Variants in YTHDF1 observed in about 807,000 individuals in gnomAD.
The protein encoded by YTHDF1 is YTH domain-containing family protein 1.
In YTHDF1, 16 loss-of-function variants were observed where a neutral mutation model predicts 49.1. That is an observed-to-expected ratio of 0.33 (90% CI 0.22 to 0.49). The LOEUF (loss-of-function observed/expected upper bound fraction) is 0.49. Ranked by LOEUF, YTHDF1 falls within the 20% of genes least tolerant of loss-of-function variation. YTHDF1 has a pLI of 0.99. For missense variants in YTHDF1, 621 were observed against 744.3 expected (o/e 0.83, Z 1.93); for synonymous variants, 313 against 290.1 (o/e 1.08, Z -0.80).
chr20:63,203,651 G>A lies in YTHDF1; in HGVS notation c.289C>T (p.His97Tyr). 6.2e-7 allele frequency: 1 copy of A among 1,614,160 alleles called. No individual in the cohort carries two copies. The highest frequency in any genetic ancestry group is 8.5e-7 in the Non-Finnish European group (1 of 1,180,042). Residue 97 changes from histidine to tyrosine, a missense_variant, in exon 4 of 5, where the codon CAT becomes TAT. Physicochemically the swap from His to Tyr is moderately conservative, Grantham distance 83. This residue lies in a region of YTHDF1 where 470 missense variants were observed against 495.8 expected (regional missense o/e 0.95). Coordinates refer to ENST00000370339, the MANE Select transcript of YTHDF1 (RefSeq NM_017798.4). This position sits in a 1 kb window ranked among gnomAD's most constrained non-coding sequence, Gnocchi z 4.4. The stretch of plus-strand genomic sequence containing the variant: ...AAAACAGCATCGTGCATAAAATGAT[G>A]GTCTCCGTTACTGAGCTGTCCGTAG... ...TTYGQLSNGD[H>Y]HFMHDAVFGQ... is the part of the protein sequence containing the mutation.
rs1353908449 is a variant in YTHDF1, at chr20:63,195,668, G to A, written c.*1040C>T. The A allele has an allele frequency of 2.0e-5, 3 of 152,566 alleles. No individual in the cohort carries two copies. The highest frequency in any genetic ancestry group is 4.4e-5 in the Non-Finnish European group (3 of 68,042). 9.5% of individuals were successfully genotyped at this position (152,566 alleles called of 1,614,324 possible). On this transcript the variant is annotated 3_prime_UTR_variant, in exon 5 of 5. Transcript: ENST00000370339. ...AGGGCACGTGCAGATCCAGGCGCTG[G>A]AGCGTCAGGCATGGGCACCATTTTC...
chr20:63,202,333 A>G lies in YTHDF1; in HGVS notation c.1607T>C (p.Phe536Ser). The G allele has an allele frequency of 6.2e-7, 1 of 1,614,218 alleles. No individual in the cohort carries two copies. The highest frequency in any genetic ancestry group is 1.3e-5 in the African/African-American group (1 of 75,068). ...YKHTTSIFDD[F>S]AHYEKRQEEE... is the part of the protein sequence containing the mutation. ...CTCCTGGCGCTTCTCGTAGTGAGCA[A>G]AGTCGTCGAAGATGGAGGTTGTGTG... The change falls in exon 4 of 5, where the codon TTT (phenylalanine) becomes TCT (serine). Residue 536 changes from phenylalanine to serine, a missense_variant. Physicochemically the swap from Phe to Ser is radical, Grantham distance 155 (BLOSUM62 -2). Coordinates refer to ENST00000370339, the MANE Select transcript of YTHDF1 (RefSeq NM_017798.4).
chr20:63,215,678 A>G, intron 1 of YTHDF1, 77 bp from the exon 2 acceptor site: 1 of 1,510,102 alleles, frequency 6.6e-7, no homozygotes, highest in Non-Finnish European at 8.8e-7. Context: ...TCACCAGAGA[A>G]CTGGTCTCCA....
Position 63,202,316 on chromosome 20 carries a change from G to A in YTHDF1, c.1624C>T (p.Arg542Cys), listed in dbSNP as rs767085036. The A allele has an allele frequency of 7.4e-6, 12 of 1,613,680 alleles. No individual in the cohort carries two copies. The highest frequency in any genetic ancestry group is 2.7e-5 in the African/African-American group (2 of 74,946). ...CGCACCACCTCCTCCTCCTCCTGGC[G>A]CTTCTCGTAGTGAGCAAAGTCGTCG... ...IFDDFAHYEK[R>C]QEEEEVVRKE... The change falls in exon 4 of 5, where the codon CGC becomes TGC. Residue 542 changes from arginine (R) to cysteine (C), a missense_variant. By Grantham distance (180) the Arg-to-Cys change is radical. Transcript: ENST00000370339.
At chr20:63,208,729 C>T (rs986240722) in intron 3 of YTHDF1, among the ~76,000 whole-genome samples, 24 of 152,242 alleles carry the variant, frequency 1.6e-4, no homozygotes, top group African/African-American at 5.5e-4. Flanking sequence ...TTAGATGCAG[C>T]CACAAGAAAC....
rs1013433748 is a variant in YTHDF1, at chr20:63,202,608, C to G, written c.1332G>C (p.Gly444=). The G allele has an allele frequency of 2.5e-6, 4 of 1,613,924 alleles. No homozygotes were observed. Among genetic ancestry groups the G allele is most frequent in the Non-Finnish European group, 3.4e-6 (4 of 1,180,056 alleles). ...TCATCTCGGCCACCCCACAAAAATG[C>G]CCACTCCCATTGACGCTGAAGAGCA... ...VYLLFSVNGS[G]HFCGVAEMKS... The change falls in exon 4 of 5, where the codon GGG becomes GGC. Residue 444 remains glycine (G), a synonymous_variant. Coordinates refer to ENST00000370339, the MANE Select transcript of YTHDF1 (RefSeq NM_017798.4).
chr20:63,209,119 C>T (rs1403717472), intron 3 of YTHDF1, among the ~76,000 whole-genome samples: 3 of 152,180 alleles, frequency 2.0e-5, no homozygotes, highest in African/African-American at 7.2e-5. Context: ...AAATCAAGAA[C>T]GGGACACCTG....
intron 3 of YTHDF1, among the ~76,000 whole-genome samples, chr20:63,211,074 G>A (rs1231055191): frequency 6.6e-6 from 1 of 150,726 alleles, no homozygotes. Flanking sequence ...ATTCTCCTAA[G>A]ACTTTCTAAA....
chr20:63,206,629 T>C (rs1410254231), intron 3 of YTHDF1, among the ~76,000 whole-genome samples: 2 of 152,210 alleles, frequency 1.3e-5, no homozygotes, highest in Non-Finnish European at 2.9e-5. Context: ...TAAACCCTCC[T>C]GATACTTTCT....
Position 63,196,744 on chromosome 20 carries a change from G to A in YTHDF1, c.1654-10C>T, listed in dbSNP as rs747211384. ...TTCGACTCTGCCGTTCCTGTAAAAAGAAAAAACAAAAGTTGAACGCAGAGT... is the reference window on the plus strand; with the variant it reads ...TTCGACTCTGCCGTTCCTGTAAAAAAAAAAAACAAAAGTTGAACGCAGAGT... On this transcript the variant is annotated splice_polypyrimidine_tract_variant and intron_variant, in intron 4 of 4. Coordinates refer to ENST00000370339, the MANE Select transcript of YTHDF1 (RefSeq NM_017798.4). 1 of 1,613,492 alleles carries A rather than the reference G, an allele frequency of 6.2e-7. No individual in the cohort carries two copies. The highest frequency in any genetic ancestry group is 2.2e-5 in the East Asian group (1 of 44,612).
At chr20:63,207,948 G>A (rs987685544) in intron 3 of YTHDF1, among the ~76,000 whole-genome samples, 2 of 150,478 alleles carry the variant, frequency 1.3e-5, no homozygotes, top group South Asian at 2.1e-4. Flanking sequence ...CCAAGATCAC[G>A]CCACTGCACT....
intron 4 of YTHDF1, among the ~76,000 whole-genome samples, chr20:63,198,810 G>A (rs150678799): frequency 7.2e-5 from 11 of 152,288 alleles, no homozygotes; most frequent in African/African-American, 2.4e-4. Flanking sequence ...GGCACCTGCC[G>A]CCAGGGCAAG....
chr20:63,215,214 T>G (rs2066595551), intron 2 of YTHDF1, among the ~76,000 whole-genome samples: 1 of 152,212 alleles, frequency 6.6e-6, no homozygotes, highest in South Asian at 2.1e-4. Context: ...GAGCTTAGCC[T>G]GCAGAACCTT....
At chr20:63,202,159 C>G (rs1268320121) in intron 4 of YTHDF1, 128 bp downstream of exon 4, 15 of 1,314,456 alleles carry the variant, frequency 1.1e-5, no homozygotes, top group Admixed American at 2.3e-5. Flanking sequence ...CTGCGGCCAA[C>G]TGGGAGCTGC....
intron 4 of YTHDF1, among the ~76,000 whole-genome samples, chr20:63,197,408 G>A (rs1601228918): frequency 6.6e-6 from 1 of 152,204 alleles, no homozygotes; most frequent in Admixed American, 6.5e-5. Flanking sequence ...ACTCCCGTAA[G>A]AGAATCATCT....
chr20:63,215,886 CCGA>C lies in YTHDF1; in HGVS notation c.4_6del (p.Ser2del). The C allele has an allele frequency of 1.4e-6, 2 of 1,447,446 alleles. No homozygotes were observed. The highest frequency in any genetic ancestry group is 9.1e-7 in the Non-Finnish European group (1 of 1,099,578). 89.7% of individuals were successfully genotyped at this position (1,447,446 alleles called of 1,614,324 possible). ...GCTACCTGGGTGTCCACGCTGGTGG[CCGA>C]CATGCTTCATGAACAACTAGACGCG... On this transcript the variant is annotated inframe_deletion, in exon 1 of 5. Transcript: ENST00000370339.
intron 2 of YTHDF1, 48 bp downstream of exon 2, chr20:63,215,529 G>A (rs373590242): frequency 8.7e-6 from 14 of 1,612,482 alleles, no homozygotes; most frequent in African/African-American, 2.7e-5. Context: ...TTCCTTCCCC[G>A]TCCTCCTCCA....
Position 63,196,629 on chromosome 20 carries a change from CACTGGAGCTG to C in YTHDF1, c.*69_*78del. On this transcript the variant is annotated 3_prime_UTR_variant, in exon 5 of 5. Transcript: ENST00000370339. ...CACTCAACCCCCGCACGGGACGACA[CACTGGAGCTG>C]ACCAAGCACACGTGTTTTAAACTGT... 1 of 1,577,924 alleles carries C rather than the reference CACTGGAGCTG, an allele frequency of 6.3e-7. No homozygotes were observed. The highest frequency in any genetic ancestry group is 8.7e-7 in the Non-Finnish European group (1 of 1,151,050).
chr20:63,215,552 C>T (rs1314310609), intron 2 of YTHDF1, 25 bp downstream of exon 2: 1 of 1,613,716 alleles, frequency 6.2e-7, no homozygotes, highest in Non-Finnish European at 8.5e-7. Context: ...CCAGCCCGCG[C>T]CGGCCGTCCC....
Sources: gnomAD v4.1 joint callset for allele counts (sites outside exome capture counted in the v4.1 genomes callset) on GRCh38, gnomAD v4.1.1 for gene constraint, gnomAD v4.1.1 regional missense constraint, Gnocchi (gnomAD v3.1) non-coding constraint, MANE v1.5 for transcripts, NCBI Gene and HGNC (gene_info 2026-07-23, HGNC 2026-07-21) for gene names.